CDH12: variants seen among roughly 807,000 people sequenced by gnomAD.
The protein encoded by CDH12 is cadherin-12.
CDH12 carries 41 observed loss-of-function variants against 74.1 expected under a neutral mutation model. The observed-to-expected ratio is 0.55, with a 90% CI of 0.43 to 0.72. The LOEUF (loss-of-function observed/expected upper bound fraction) is 0.72. CDH12 is among the 30% of genes least tolerant of loss of function. The pLI, the probability that CDH12 is intolerant of heterozygous loss-of-function variation, is 0.00. For synonymous variants in CDH12, 399 were observed against 355.0 expected (o/e 1.12, Z -1.39); for missense variants, 945 against 977.2 (o/e 0.97, Z 0.44).
At chr5:21,854,615 T>A (rs1339301869) in intron 7 of CDH12, 56 bp downstream of exon 7, 13 of 1,456,986 alleles carry the variant, frequency 8.9e-6, no homozygotes, top group African/African-American at 2.9e-5. Context: ...AAGATTTAAT[T>A]AAAGTTTAAA....
At chr5:22,760,770 AT>A (rs1438879720) in intron 1 of CDH12, among the ~76,000 whole-genome samples, 1 of 151,764 alleles carries the variant, frequency 6.6e-6, no homozygotes, top group Non-Finnish European at 1.5e-5. Flanking sequence ...AGAGAAGAAG[AT>A]TATATTTTCA....
intron 1 of CDH12, among the ~76,000 whole-genome samples, chr5:22,650,906 T>C (rs1379556110): frequency 6.6e-6 from 1 of 152,070 alleles, no homozygotes; most frequent in African/African-American, 2.4e-5. Context: ...GTGGGAGTCT[T>C]TCTTGGAAAC....
At position 22,524,128 on chromosome 5, in the gene CDH12, G is replaced by A. The variant is rs573706196; in HGVS notation, c.-522-18764C>T. 2.1e-4 allele frequency among the ~76,000 whole-genome samples: 32 copies of A among 151,622 alleles called. 1 individual carries two copies. The South Asian group carries it at 3.3e-3, about 16-fold the overall frequency. The stretch of plus-strand genomic sequence containing the variant: ...CTCCTGAGTAGGTGGGACCACAGGC[G>A]CACGCCACCATATCTGGCTAATTTT... On this transcript the variant is annotated intron_variant, in intron 1 of 14. Coordinates refer to ENST00000382254, the MANE Select transcript of CDH12 (RefSeq NM_004061.5).
intron 6 of CDH12, among the ~76,000 whole-genome samples, chr5:21,938,867 G>A (rs1359889407): frequency 1.3e-5 from 2 of 150,278 alleles, no homozygotes; most frequent in South Asian, 2.1e-4. Context: ...TTTGAAAAAC[G>A]TAGGGCTATT....
chr5:22,252,960 T>C (rs1753184454), intron 3 of CDH12, among the ~76,000 whole-genome samples: 1 of 152,000 alleles, frequency 6.6e-6, no homozygotes, highest in South Asian at 2.1e-4. Context: ...TAATAAGTAC[T>C]TCCCACAGTA....
chr5:22,664,414 G>C (rs138883075), intron 1 of CDH12, among the ~76,000 whole-genome samples: 1 of 152,218 alleles, frequency 6.6e-6, no homozygotes, highest in African/African-American at 2.4e-5. Context: ...AAGCGAAGGG[G>C]AGAAAAGCCC....
At chr5:22,554,430 TG>T (rs1738710309) in intron 1 of CDH12, among the ~76,000 whole-genome samples, 1 of 152,158 alleles carries the variant, frequency 6.6e-6, no homozygotes, top group African/African-American at 2.4e-5. Context: ...GAGAAATGTC[TG>T]TATCTTCTGC....
chr5:21,990,839 A>G (rs1322250254), intron 5 of CDH12, among the ~76,000 whole-genome samples: 2 of 151,978 alleles, frequency 1.3e-5, no homozygotes, highest in Non-Finnish European at 2.9e-5. Flanking sequence ...TTCAGAGCAG[A>G]GATTAAACCA....
intron 4 of CDH12, among the ~76,000 whole-genome samples, chr5:22,095,557 T>C (rs1034321622): frequency 3.9e-5 from 6 of 151,928 alleles, no homozygotes; most frequent in Admixed American, 2.6e-4. Context: ...CAACTCCTTC[T>C]CTCCATGTCT....
chr5:22,543,180 A>G (rs1242524726), intron 1 of CDH12, among the ~76,000 whole-genome samples: 2 of 152,162 alleles, frequency 1.3e-5, no homozygotes, highest in Admixed American at 6.5e-5. Context: ...CCCCATTTAC[A>G]ATACAGAGTT....
chr5:22,222,633 T>C (rs1752058755), intron 3 of CDH12, among the ~76,000 whole-genome samples: 1 of 151,810 alleles, frequency 6.6e-6, no homozygotes, highest in South Asian at 2.1e-4. Flanking sequence ...TTAATAAACA[T>C]TTCTTGACAA....
At chr5:22,479,052 C>A (rs1248044352) in intron 2 of CDH12, among the ~76,000 whole-genome samples, 1 of 152,078 alleles carries the variant, frequency 6.6e-6, no homozygotes, top group African/African-American at 2.4e-5. Flanking sequence ...TGGATACATG[C>A]AAAAGAAAAG....
chr5:22,324,759 T>C (rs1739015495), intron 3 of CDH12, among the ~76,000 whole-genome samples: 1 of 152,182 alleles, frequency 6.6e-6, no homozygotes, highest in Admixed American at 6.5e-5. Context: ...CAGTGGCCTC[T>C]TCTGTCTGAT....
intron 3 of CDH12, among the ~76,000 whole-genome samples, chr5:22,340,873 C>T (rs192713046): frequency 4.6e-5 from 7 of 152,112 alleles, no homozygotes; most frequent in African/African-American, 1.7e-4. Context: ...AAGAAAAATA[C>T]CTACCCTTTT....
intron 1 of CDH12, among the ~76,000 whole-genome samples, chr5:22,654,228 GTTTC>G (rs1739900987): frequency 1.6e-5 from 2 of 123,842 alleles, no homozygotes; most frequent in Admixed American, 8.4e-5. Flanking sequence ...TTGTTTCTTT[GTTTC>G]TTTGTTTCTT....
At chr5:22,528,522 A>ACCTGTGGCTACTTTAT (rs1737390595) in intron 1 of CDH12, among the ~76,000 whole-genome samples, 1 of 151,988 alleles carries the variant, frequency 6.6e-6, no homozygotes, top group Non-Finnish European at 1.5e-5. Flanking sequence ...GCAATTTCAG[A>ACCTGTGGCTACTTTAT]CCTGTGGCTA....
intron 8 of CDH12, among the ~76,000 whole-genome samples, chr5:21,825,712 T>C (rs1450734263): frequency 6.6e-6 from 1 of 152,180 alleles, no homozygotes; most frequent in Non-Finnish European, 1.5e-5. Flanking sequence ...GCCACTAAAA[T>C]CCAGTGGCAA....
intron 10 of CDH12, among the ~76,000 whole-genome samples, chr5:21,796,090 T>C (rs1746763942): frequency 1.3e-5 from 2 of 152,050 alleles, no homozygotes; most frequent in Admixed American, 6.6e-5. Flanking sequence ...AAGTGACGGG[T>C]TTTTGTTAGA....
chr5:21,851,423 A>G (rs1316927118), intron 7 of CDH12, among the ~76,000 whole-genome samples: 2 of 150,712 alleles, frequency 1.3e-5, no homozygotes, highest in African/African-American at 4.8e-5. Flanking sequence ...TATAGATTAT[A>G]GATGTTTATA....
Sources: gnomAD v4.1 joint callset for allele counts (sites outside exome capture counted in the v4.1 genomes callset) on GRCh38, gnomAD v4.1.1 for gene constraint, MANE v1.5 for transcripts, NCBI Gene and HGNC (gene_info 2026-07-23, HGNC 2026-07-21) for gene names.